ZNF749: variants seen among roughly 807,000 people sequenced by gnomAD.
ZNF749 encodes the protein zinc finger protein 749.
ZNF749 carries 8 observed loss-of-function variants against 7.3 expected under a neutral mutation model. The ratio of observed to expected loss-of-function variants is 1.10; its 90% CI spans 0.64 to 1.98. The LOEUF (loss-of-function observed/expected upper bound fraction) is 1.98, where lower values mean the gene tolerates loss of function less well. ZNF749 is among the 30% of genes most tolerant of loss of function. ZNF749 has a pLI of 0.00. For synonymous variants in ZNF749, 310 were observed against 322.4 expected (o/e 0.96, Z 0.41); for missense variants, 898 against 932.4 (o/e 0.96, Z 0.48).
upstream of ZNF749, chr19:57,435,272 A>C (rs2088922270): frequency 3.8e-6 from 2 of 527,840 alleles, no homozygotes; most frequent in African/African-American, 3.9e-5. Context: ...CAGCGAGTGT[A>C]GCCATTGGTC....
chr19:57,433,183 A>T (rs898429650), upstream of ZNF749, among the ~76,000 whole-genome samples: 1 of 150,590 alleles, frequency 6.6e-6, no homozygotes, highest in Non-Finnish European at 1.5e-5. Flanking sequence ...TTGACATCCT[A>T]TGTGATTGGC....
chr19:57,430,080 T>C, the ZNF749 span, among the ~76,000 whole-genome samples: 1 of 152,204 alleles, frequency 6.6e-6, no homozygotes, highest in African/African-American at 2.4e-5. Context: ...TCATTCAGGA[T>C]TTATCATCTG....
chr19:57,431,038 C>CAAA (rs34687490), upstream of ZNF749, among the ~76,000 whole-genome samples: 24 of 93,646 alleles, frequency 2.6e-4, no homozygotes, highest in Middle Eastern at 5.2e-3. Context: ...GACTCTGTCT[C>CAAA]AAAAAAAAAA....
Position 57,443,548 on chromosome 19 carries a change from GAT to G in ZNF749, c.401_402del (p.Asp134GlyfsTer58), listed in dbSNP as rs1231912424. ...GATTAGAGAGAAGCTCACCAGAAGT[GAT>G]GAGTGGAGGCCTTCATTTGTGAACC... ...EQIREKLTRS[D>X]EWRPSFVNHS... On this transcript the variant is annotated frameshift_variant, in exon 3 of 3. Transcript: ENST00000334181. LOFTEE classifies it low-confidence loss of function (END_TRUNC). The G allele has an allele frequency of 6.2e-7, 1 of 1,614,154 alleles. No individual in the cohort carries two copies. The highest frequency in any genetic ancestry group is 8.5e-7 in the Non-Finnish European group (1 of 1,180,056).
upstream of ZNF749, among the ~76,000 whole-genome samples, chr19:57,432,980 G>A (rs1005509703): frequency 5.9e-5 from 9 of 152,268 alleles, no homozygotes; most frequent in African/African-American, 1.4e-4. Flanking sequence ...AGACCACACC[G>A]TAGTAAAGGA....
At chr19:57,437,403 T>TTA (rs1411306440) in intron 1 of ZNF749, among the ~76,000 whole-genome samples, 9 of 152,110 alleles carry the variant, frequency 5.9e-5, no homozygotes, top group South Asian at 4.1e-4. Context: ...GTACAAAGCT[T>TTA]TATATATATA....
At chr19:57,429,269 G>C in the ZNF749 span, among the ~76,000 whole-genome samples, 1 of 152,088 alleles carries the variant, frequency 6.6e-6, no homozygotes, top group African/African-American at 2.4e-5. This position sits in a 1 kb window ranked among gnomAD's most constrained non-coding sequence, Gnocchi z 4.2. Flanking sequence ...CAGGTGATCT[G>C]CCTGCCTCGG....
chr19:57,432,750 C>A (rs2088905880), upstream of ZNF749, among the ~76,000 whole-genome samples: 1 of 152,000 alleles, frequency 6.6e-6, no homozygotes, highest in Non-Finnish European at 1.5e-5. Flanking sequence ...GACTATGGCC[C>A]ATGGTGATGA....
chr19:57,433,928 A>G (rs2088912211), upstream of ZNF749, among the ~76,000 whole-genome samples: 1 of 152,128 alleles, frequency 6.6e-6, no homozygotes. Flanking sequence ...AGTGCATTGT[A>G]AAAAGCTGAA....
intron 1 of ZNF749, chr19:57,438,288 C>T (rs1033441352): frequency 1.3e-5 from 5 of 378,264 alleles, no homozygotes; most frequent in Middle Eastern, 6.7e-4. Flanking sequence ...TAATTGAAGC[C>T]TGTTAACAAT....
In ZNF749 at chr19:57,435,662, C is replaced by A. The variant is rs1040514159; in HGVS notation, c.15+69C>A. ...AGTGCTGAAGTCCCAAGGAGCCGCCCTGCAGGTTAGGCCCTTGTGTCTCTA... is the reference window on the plus strand; with the variant it reads ...AGTGCTGAAGTCCCAAGGAGCCGCCATGCAGGTTAGGCCCTTGTGTCTCTA... On this transcript the variant is annotated intron_variant, in intron 1 of 2. Transcript: ENST00000334181. 585 of 1,567,226 alleles carry A rather than the reference C, an allele frequency of 3.7e-4. 4 individuals are homozygous for A. The highest frequency in any genetic ancestry group is 1.1e-4 in the Admixed American group (6 of 53,358).
In ZNF749 at chr19:57,445,853, C is replaced by T. The variant is rs1204382268; in HGVS notation, c.*368C>T. On this transcript the variant is annotated 3_prime_UTR_variant, in exon 3 of 3. Transcript: ENST00000334181. Reference sequence around the variant, plus strand: ...CTGAGGCAGGGAGCATCACTTGAACCTGGGAGGCGGAGGTTGCAGTGAACT... The same window carrying T: ...CTGAGGCAGGGAGCATCACTTGAACTTGGGAGGCGGAGGTTGCAGTGAACT... 1.3e-5 allele frequency among the ~76,000 whole-genome samples: 2 copies of T among 152,140 alleles called. No individual in the cohort carries two copies. Among genetic ancestry groups the T allele is most frequent in the African/African-American group, 2.4e-5 (1 of 41,418 alleles).
At position 57,445,386 on chromosome 19, in the gene ZNF749, T is replaced by A. The variant is rs2089053166; in HGVS notation, c.2238T>A (p.Thr746=). ...CTGGTCAGCGCCAAAAAACTCACAC[T>A]GGAGAAAGGTCTTATGAGTGTGGTG... ...CNTGQRQKTH[T]GERSYECGES... Residue 746 remains threonine, a synonymous_variant, in exon 3 of 3, where the codon ACT becomes ACA. Coordinates refer to ENST00000334181, the MANE Select transcript of ZNF749 (RefSeq NM_001023561.4). 1 of 1,613,990 alleles carries A rather than the reference T, an allele frequency of 6.2e-7. No homozygotes were observed. Among genetic ancestry groups the A allele is most frequent in the African/African-American group, 1.3e-5 (1 of 75,034 alleles).
chr19:57,441,574 G>A lies in ZNF749; in HGVS notation c.16-311G>A, dbSNP rs564451432. On this transcript the variant is annotated intron_variant, in intron 1 of 2. Transcript: ENST00000334181. ...TATCAGAGACTGTATTGGGGTTTTG[G>A]CAGGAAAGGCATGCAGGGTGGGATG... is the stretch of plus-strand genomic sequence containing the variant. Among the ~76,000 whole-genome samples, 5 of 152,216 alleles carry A rather than the reference G, an allele frequency of 3.3e-5. No homozygotes were observed. The East Asian group carries it at 9.7e-4, about 29-fold the overall frequency.
the ZNF749 span, among the ~76,000 whole-genome samples, chr19:57,429,920 G>C: frequency 6.6e-6 from 1 of 152,244 alleles, no homozygotes; most frequent in African/African-American, 2.4e-5. The surrounding 1 kb of genome is among the most constrained non-coding windows in gnomAD (Gnocchi z 4.2). Flanking sequence ...TACTCTGTTC[G>C]AATGGATTTT....
intron 1 of ZNF749, among the ~76,000 whole-genome samples, chr19:57,441,586 T>C (rs2088990258): frequency 6.6e-6 from 1 of 151,952 alleles, no homozygotes; most frequent in Admixed American, 6.6e-5. Context: ...AGGAAAGGCA[T>C]GCAGGGTGGG....
upstream of ZNF749, among the ~76,000 whole-genome samples, chr19:57,433,480 T>C (rs2123085888): frequency 6.6e-6 from 1 of 152,348 alleles, no homozygotes; most frequent in African/African-American, 2.4e-5. Flanking sequence ...CACACCTAAA[T>C]AAGGAACTAT....
At chr19:57,434,095 C>A (rs2088913136), upstream of ZNF749, among the ~76,000 whole-genome samples, 1 of 152,010 alleles carries the variant, frequency 6.6e-6, no homozygotes, top group Non-Finnish European at 1.5e-5. Context: ...CTTCACAACC[C>A]CTTGTCTTTT....
intron 1 of ZNF749, among the ~76,000 whole-genome samples, chr19:57,437,723 C>CAAAA (rs35006340): frequency 3.6e-4 from 20 of 56,018 alleles, no homozygotes; most frequent in African/African-American, 1.2e-3. Context: ...GACACTGTCT[C>CAAAA]AAAAAAAAAA....
Sources: gnomAD v4.1 joint callset for allele counts (sites outside exome capture counted in the v4.1 genomes callset) on GRCh38, gnomAD v4.1.1 for gene constraint, Gnocchi (gnomAD v3.1) non-coding constraint, MANE v1.5 for transcripts, NCBI Gene and HGNC (gene_info 2026-07-23, HGNC 2026-07-21) for gene names.